COL5A2: variants seen among roughly 807,000 people sequenced by gnomAD.
COL5A2 encodes collagen alpha-2(V) chain.
In COL5A2, 23 loss-of-function variants were observed where a neutral mutation model predicts 208.2. The observed-to-expected ratio is 0.11, with a 90% CI of 0.08 to 0.16. The LOEUF is 0.16. Among genes scored for constraint, COL5A2 ranks in the 10% least tolerant of loss-of-function variants. The pLI, the probability that COL5A2 is intolerant of heterozygous loss-of-function variation, is 1.00. For missense variants in COL5A2, 1,590 were observed against 1,956.4 expected (o/e 0.81, Z 3.53); for synonymous variants, 625 against 628.5 (o/e 0.99, Z 0.08).
At chr2:189,076,376 G>A (rs1324701899) in intron 16 of COL5A2, among the ~76,000 whole-genome samples, 2 of 152,124 alleles carry the variant, frequency 1.3e-5, no homozygotes, top group Non-Finnish European at 2.9e-5. Flanking sequence ...ATGCCGCGAT[G>A]GCACAATGGA....
At chr2:189,108,255 A>T (rs1027246905) in intron 2 of COL5A2, among the ~76,000 whole-genome samples, 23 of 151,802 alleles carry the variant, frequency 1.5e-4, no homozygotes, top group African/African-American at 5.3e-4. Context: ...CAGTTTCTTC[A>T]ATTAACTCTT....
chr2:189,222,367 G>A (rs1186827498), intron 1 of COL5A2, among the ~76,000 whole-genome samples: 3 of 152,140 alleles, frequency 2.0e-5, no homozygotes, highest in African/African-American at 7.2e-5. Context: ...TCTTGTTGGT[G>A]TTAGAAATCA....
At chr2:189,229,795 T>C (rs1022890097), upstream of COL5A2, among the ~76,000 whole-genome samples, 3 of 151,782 alleles carry the variant, frequency 2.0e-5, no homozygotes, top group African/African-American at 7.2e-5. Context: ...TCTATCAAAA[T>C]CTTAATGACA....
the COL5A2 span, among the ~76,000 whole-genome samples, chr2:189,345,111 G>A: frequency 2.0e-5 from 3 of 152,324 alleles, no homozygotes; most frequent in African/African-American, 7.2e-5. Context: ...AATCACGACA[G>A]GTGAGAGGCT....
At chr2:189,064,406 T>G in intron 25 of COL5A2, 151 bp downstream of exon 25, 1 of 663,772 alleles carries the variant, frequency 1.5e-6, no homozygotes, top group Non-Finnish European at 2.6e-6. Context: ...CAGTATTTTT[T>G]AAAATAATGA....
At chr2:189,372,065 G>A in the COL5A2 span, among the ~76,000 whole-genome samples, 1 of 152,310 alleles carries the variant, frequency 6.6e-6, no homozygotes, top group African/African-American at 2.4e-5. Context: ...ACAGCCTGAA[G>A]ACACTGCTCC....
At chr2:189,293,071 AG>A in the COL5A2 span, among the ~76,000 whole-genome samples, 1 of 147,652 alleles carries the variant, frequency 6.8e-6, no homozygotes, top group Non-Finnish European at 1.5e-5. Flanking sequence ...ACATGGACAC[AG>A]GAAGGGGAAC....
At chr2:189,217,545 CA>C (rs2105874821) in intron 1 of COL5A2, among the ~76,000 whole-genome samples, 1 of 152,150 alleles carries the variant, frequency 6.6e-6, no homozygotes, top group East Asian at 1.9e-4. Flanking sequence ...TACACACATA[CA>C]TTATGGCTAA....
At chr2:189,234,986 T>C in the COL5A2 span, among the ~76,000 whole-genome samples, 1 of 151,772 alleles carries the variant, frequency 6.6e-6, no homozygotes, top group Non-Finnish European at 1.5e-5. Flanking sequence ...ATACATCATT[T>C]CAACATGTAA....
chr2:189,304,196 G>A, the COL5A2 span, among the ~76,000 whole-genome samples: 1 of 152,062 alleles, frequency 6.6e-6, no homozygotes, highest in Non-Finnish European at 1.5e-5. Flanking sequence ...TATACAATCA[G>A]TTGTCTTGGA....
At chr2:189,173,441 G>A (rs1269728269) in intron 1 of COL5A2, among the ~76,000 whole-genome samples, 1 of 152,116 alleles carries the variant, frequency 6.6e-6, no homozygotes, top group Non-Finnish European at 1.5e-5. Context: ...AAAACCTTAA[G>A]GTTGCCAATA....
the COL5A2 span, among the ~76,000 whole-genome samples, chr2:189,413,888 T>C: frequency 7.1e-6 from 1 of 140,558 alleles, no homozygotes; most frequent in Non-Finnish European, 1.5e-5. Flanking sequence ...GCATCCCGGG[T>C]TCAAGAGATT....
chr2:189,152,407 T>C (rs1468105041), intron 1 of COL5A2, among the ~76,000 whole-genome samples: 1 of 152,184 alleles, frequency 6.6e-6, no homozygotes, highest in Non-Finnish European at 1.5e-5. Context: ...TCAAAGGGCA[T>C]GGACAGATAA....
At chr2:189,280,858 A>G in the COL5A2 span, among the ~76,000 whole-genome samples, 1 of 151,988 alleles carries the variant, frequency 6.6e-6, no homozygotes, top group Non-Finnish European at 1.5e-5. Flanking sequence ...ACTCACCTGA[A>G]CTCTTCCACT....
At chr2:189,408,062 C>T in the COL5A2 span, among the ~76,000 whole-genome samples, 8 of 152,112 alleles carry the variant, frequency 5.3e-5, no homozygotes, top group Non-Finnish European at 1.0e-4. Context: ...CTTACCTGGC[C>T]ATCCTTGACC....
At chr2:189,413,106 T>G in the COL5A2 span, among the ~76,000 whole-genome samples, 1 of 152,186 alleles carries the variant, frequency 6.6e-6, no homozygotes, top group Non-Finnish European at 1.5e-5. Flanking sequence ...GTGAAGTTTA[T>G]GAAGTCAAAA....
intron 44 of COL5A2, among the ~76,000 whole-genome samples, chr2:189,049,115 A>G (rs1455485557): frequency 6.6e-6 from 1 of 152,210 alleles, no homozygotes; most frequent in Non-Finnish European, 1.5e-5. Flanking sequence ...GAACTAAAAT[A>G]CTTAGCTCCA....
At chr2:189,361,544 G>GC in the COL5A2 span, among the ~76,000 whole-genome samples, 1 of 149,578 alleles carries the variant, frequency 6.7e-6, no homozygotes, top group Non-Finnish European at 1.5e-5. Context: ...GTTGGGTCTT[G>GC]TTTTTTTTTA....
At position 189,162,529 on chromosome 2, in the gene COL5A2, G is replaced by C. The variant is rs185598099; in HGVS notation, c.97+16979C>G. Among the ~76,000 whole-genome samples, 55 of 152,268 alleles carry C rather than the reference G, an allele frequency of 3.6e-4. 1 individual carries two copies. Among genetic ancestry groups the C allele is most frequent in the African/African-American group, 1.1e-3 (45 of 41,550 alleles). ...AATGGGATTTAAATCCCCCAAAGTAGTAAATTATTAGCAAGTGCTTTACGA... is the reference window on the plus strand; with the variant it reads ...AATGGGATTTAAATCCCCCAAAGTACTAAATTATTAGCAAGTGCTTTACGA... On this transcript the variant is annotated intron_variant, in intron 1 of 53. Coordinates refer to ENST00000374866, the MANE Select transcript of COL5A2 (RefSeq NM_000393.5).
Sources: gnomAD v4.1 joint callset for allele counts (sites outside exome capture counted in the v4.1 genomes callset) on GRCh38, gnomAD v4.1.1 for gene constraint, MANE v1.5 for transcripts, NCBI Gene and HGNC (gene_info 2026-07-23, HGNC 2026-07-21) for gene names.